The following HACD2 variants were observed in gnomAD, a reference collection of about 807,000 sequenced individuals.
HACD2 encodes 3-hydroxyacyl-CoA dehydratase 2, also known as very-long-chain (3R)-3-hydroxyacyl-CoA dehydratase 2.
A neutral mutation model predicts 31.0 loss-of-function variants in HACD2; 15 were observed. That is an observed-to-expected ratio of 0.48 (90% CI 0.32 to 0.75). The LOEUF (loss-of-function observed/expected upper bound fraction) is 0.75, where lower values mean the gene tolerates loss of function less well. Among genes scored for constraint, HACD2 ranks in the 30% least tolerant of loss-of-function variants. The pLI is 0.03. For synonymous variants in HACD2, 115 were observed against 122.2 expected, an observed-to-expected ratio of 0.94 and a Z score of 0.39; for missense variants, 283 against 313.0, an observed-to-expected ratio of 0.90 and a Z score of 0.72.
chr3:123,582,397 C>T (rs2056975521), intron 1 of HACD2, 68 bp from the exon 2 acceptor site: 1 of 1,015,610 alleles, frequency 9.8e-7, no homozygotes, highest in Non-Finnish European at 1.4e-6. Context: ...GGTTAACACA[C>T]AGCTGTGGCA....
At chr3:123,550,410 A>T (rs1191676371) in intron 3 of HACD2, among the ~76,000 whole-genome samples, 5 of 152,172 alleles carry the variant, frequency 3.3e-5, no homozygotes, top group African/African-American at 1.2e-4. Context: ...AAATACAGAG[A>T]AAGAAAGGGC....
rs532982948 is a variant in HACD2 at position 123,520,628 on chromosome 3, C to T, written c.381+7758G>A. On this transcript the variant is annotated intron_variant, in intron 4 of 6. Transcript: ENST00000383657. The stretch of plus-strand genomic sequence containing the variant: ...CAGCAAACATGTTGGTAACCAACAT[C>T]TTTCCACCACTGTATGGTACTAAAA... Among the ~76,000 whole-genome samples the T allele has an allele frequency of 3.3e-5, 5 of 152,334 alleles. No individual in the cohort carries two copies. The South Asian group carries it at 6.2e-4, about 19-fold the overall frequency.
intron 3 of HACD2, among the ~76,000 whole-genome samples, chr3:123,555,284 G>T (rs543912841): frequency 2.6e-5 from 4 of 152,182 alleles, no homozygotes; most frequent in Admixed American, 1.3e-4. Context: ...TGAAAAGCAA[G>T]AAATAAAACT....
At chr3:123,501,906 G>A (rs2055906818) in intron 5 of HACD2, among the ~76,000 whole-genome samples, 1 of 152,090 alleles carries the variant, frequency 6.6e-6, no homozygotes. Flanking sequence ...CACCAAATAA[G>A]GCATTTCGGC....
At chr3:123,543,204 T>C (rs2056515310) in intron 3 of HACD2, among the ~76,000 whole-genome samples, 1 of 152,146 alleles carries the variant, frequency 6.6e-6, no homozygotes, top group Non-Finnish European at 1.5e-5. Context: ...TCTTTTAGAG[T>C]TAATGAAGTA....
chr3:123,499,218 T>C (rs1482710240), intron 6 of HACD2: 1 of 163,722 alleles, frequency 6.1e-6, no homozygotes, highest in Non-Finnish European at 1.3e-5. Flanking sequence ...GTGGTAAAAC[T>C]GCAACTGTGA....
chr3:123,525,102 T>C (rs1455281615), intron 4 of HACD2, among the ~76,000 whole-genome samples: 1 of 152,218 alleles, frequency 6.6e-6, no homozygotes, highest in African/African-American at 2.4e-5. Context: ...AGCATCCTGC[T>C]GAAAAGTTGG....
intron 6 of HACD2, among the ~76,000 whole-genome samples, chr3:123,497,338 T>G (rs2055845627): frequency 6.6e-6 from 1 of 152,148 alleles, no homozygotes; most frequent in African/African-American, 2.4e-5. Flanking sequence ...GCTGGGCACG[T>G]GTGTGTGACA....
intron 3 of HACD2, among the ~76,000 whole-genome samples, chr3:123,549,609 G>A (rs1576771619): frequency 6.6e-6 from 1 of 152,088 alleles, no homozygotes; most frequent in African/African-American, 2.4e-5. Flanking sequence ...TTAGCTGGGC[G>A]TGGTGGCATG....
chr3:123,509,246 T>C (rs940538008), intron 4 of HACD2, among the ~76,000 whole-genome samples: 3 of 151,956 alleles, frequency 2.0e-5, no homozygotes, highest in African/African-American at 7.2e-5. Context: ...TAGCTGGGCA[T>C]GGTGGCATGT....
chr3:123,549,603 C>G (rs1246399647), intron 3 of HACD2, among the ~76,000 whole-genome samples: 1 of 152,100 alleles, frequency 6.6e-6, no homozygotes, highest in African/African-American at 2.4e-5. Flanking sequence ...CAAAACTTAG[C>G]TGGGCGTGGT....
At chr3:123,550,753 T>C (rs2056611087) in intron 3 of HACD2, among the ~76,000 whole-genome samples, 1 of 151,874 alleles carries the variant, frequency 6.6e-6, no homozygotes. Context: ...GGTGGGCAGC[T>C]GGGACAGAGA....
chr3:123,510,936 TTTTTTTTTGTTTTTTTTTG>T (rs1430915528), intron 4 of HACD2, among the ~76,000 whole-genome samples: 3 of 138,184 alleles, frequency 2.2e-5, no homozygotes, highest in African/African-American at 8.2e-5. Context: ...TGCTGTGTTT[TTTTTTTTTGTTTTTTTTTG>T]TTTTTTTTTT....
chr3:123,528,463 A>G lies in HACD2; in HGVS notation c.304T>C (p.Ser102Pro). The G allele has an allele frequency of 6.2e-7, 1 of 1,609,492 alleles. No homozygotes were observed. Among genetic ancestry groups the G allele is most frequent in the Non-Finnish European group, 8.5e-7 (1 of 1,175,890 alleles). Reference sequence around the variant, plus strand: ...TGGAAAGAAGTCAGGACAACAGAAGATGGAACAATTCCTGAAAGAAATTTT... The same window carrying G: ...TGGAAAGAAGTCAGGACAACAGAAGGTGGAACAATTCCTGAAAGAAATTTT... ...ILHCAIGIVP[S>P]SVVLTSFQVM... The change falls in exon 4 of 7, where the codon TCT (serine) becomes CCT (proline). Residue 102 changes from serine (S) to proline (P), a missense_variant. Physicochemically the swap from Ser to Pro is moderately conservative, Grantham distance 74 (BLOSUM62 -1). Around this residue, in one of 3 missense-constraint regions of HACD2, gnomAD observed 158 missense variants for 148.3 expected, o/e 1.07. Transcript: ENST00000383657.
At chr3:123,520,923 A>G (rs1406605512) in intron 4 of HACD2, among the ~76,000 whole-genome samples, 1 of 152,202 alleles carries the variant, frequency 6.6e-6, no homozygotes, top group Non-Finnish European at 1.5e-5. Context: ...TACTATTTTA[A>G]GCCCAAGGTA....
intron 3 of HACD2, 35 bp from the exon 4 acceptor site, chr3:123,528,509 C>T: frequency 8.3e-7 from 1 of 1,202,340 alleles, no homozygotes; most frequent in Non-Finnish European, 1.2e-6. Flanking sequence ...AATAAATGTA[C>T]TGTACTAAGT....
chr3:123,517,856 G>A lies in HACD2; in HGVS notation c.381+10530C>T, dbSNP rs374824372. On this transcript the variant is annotated intron_variant, in intron 4 of 6. Coordinates refer to ENST00000383657, the MANE Select transcript of HACD2 (RefSeq NM_198402.5). ...CAGAAATATCAAAATGGTGACCTAC[G>A]GTCCCTGACCATAGATGTTCTGTTT... 5.9e-5 allele frequency among the ~76,000 whole-genome samples: 9 copies of A among 152,164 alleles called. No individual in the cohort carries two copies. The East Asian group carries it at 1.2e-3, about 20-fold the overall frequency.
At chr3:123,558,828 T>G (rs1163965508) in intron 3 of HACD2, among the ~76,000 whole-genome samples, 1 of 152,222 alleles carries the variant, frequency 6.6e-6, no homozygotes, top group Non-Finnish European at 1.5e-5. Context: ...ACTTGGTAAC[T>G]ACTTGGTGTT....
chr3:123,555,746 GA>G (rs1697249115), intron 3 of HACD2, among the ~76,000 whole-genome samples: 1 of 152,116 alleles, frequency 6.6e-6, no homozygotes, highest in Admixed American at 6.5e-5. Context: ...AGTTCATATG[GA>G]AAGGCAAAAG....
Sources: allele counts gnomAD v4.1 joint callset (sites outside exome capture counted in the v4.1 genomes callset), GRCh38; gene constraint gnomAD v4.1.1; regional missense constraint gnomAD v4.1.1; transcripts MANE v1.5; gene names NCBI Gene and HGNC (gene_info 2026-07-23, HGNC 2026-07-21).